Variants in ZNF260 observed in about 807,000 individuals in gnomAD.
The protein encoded by ZNF260 is zfp-260.
ZNF260 carries 21 observed loss-of-function variants against 29.3 expected under a neutral mutation model. The ratio of observed to expected loss-of-function variants is 0.72; its 90% confidence interval spans 0.51 to 1.03. The LOEUF (loss-of-function observed/expected upper bound fraction) is 1.03. Ranked by LOEUF, ZNF260 falls within the 50% of genes least tolerant of loss-of-function variation. ZNF260 has a pLI of 0.00. For missense variants in ZNF260, 465 were observed against 487.8 expected (o/e 0.95, Z 0.44); for synonymous variants, 156 against 156.8 (o/e 0.99, Z 0.04).
At position 36,514,327 on chromosome 19, in the gene ZNF260, A is replaced by G. The variant is rs773025394; in HGVS notation, c.912T>C (p.Tyr304=). The G allele has an allele frequency of 2.5e-6, 4 of 1,614,010 alleles. No individual in the cohort carries two copies. The African/African-American group carries it at 4.0e-5, about 16-fold the overall frequency. The change falls in exon 3 of 3, where the codon TAT becomes TAC. Residue 304 remains tyrosine (Y), a synonymous_variant. Transcript: ENST00000523638. ...AGGCTTTTCCACATTTATTACATTC[A>G]TAGGGTTTCTCTCCTGTATGAATAT... ...HHNIHTGEKP[Y]ECNKCGKAFS... is the part of the protein sequence containing the mutation.
chr19:36,516,648 G>A lies in ZNF260; in HGVS notation c.-461-949C>T, dbSNP rs551712920. Among the ~76,000 whole-genome samples, 22 of 152,164 alleles carry A rather than the reference G, an allele frequency of 1.4e-4. No homozygotes were observed. In the East Asian group the frequency reaches 3.7e-3, roughly 25 times the overall value. ...GGCTGGAGCGCAGTGGCATGATCTC[G>A]GCTCACTGCAAGCTCCGCCTCCTGG... On this transcript the variant is annotated intron_variant, in intron 2 of 2. Coordinates refer to ENST00000523638, the MANE Select transcript of ZNF260 (RefSeq NM_001166037.2).
Position 36,513,815 on chromosome 19 carries a change from T to G in ZNF260, c.*185A>C. On this transcript the variant is annotated 3_prime_UTR_variant, in exon 3 of 3. Coordinates refer to ENST00000523638, the MANE Select transcript of ZNF260 (RefSeq NM_001166037.2). ...GCATTGATAATGCTTGTTGTGGGAG[T>G]TTTGGGGGTACGGGTTTTCTTTACA... 1.6e-6 allele frequency: 1 copy of G among 628,768 alleles called. No individual in the cohort carries two copies. The highest frequency in any genetic ancestry group is 2.7e-6 in the Non-Finnish European group (1 of 369,492). The allele number at this position is 628,768 out of a possible 1,614,324, so 38.9% of individuals were successfully genotyped here.
intron 2 of ZNF260, among the ~76,000 whole-genome samples, chr19:36,516,642 G>GCA (rs2034555601): frequency 6.6e-6 from 1 of 152,128 alleles, no homozygotes; most frequent in Non-Finnish European, 1.5e-5. Flanking sequence ...GCAGTGGCAT[G>GCA]ATCTCGGCTC....
chr19:36,513,564 C>T lies in ZNF260; in HGVS notation c.*436G>A, dbSNP rs2034486713. The T allele has an allele frequency of 2.5e-6, 1 of 402,256 alleles. No homozygotes were observed. The highest frequency in any genetic ancestry group is 4.4e-6 in the Non-Finnish European group (1 of 227,596). The allele number at this position is 402,256 out of a possible 1,614,324, so 24.9% of individuals were successfully genotyped here. On this transcript the variant is annotated 3_prime_UTR_variant, in exon 3 of 3. Transcript: ENST00000523638. ...CATTTCTGAATTCAATATTCTGTCT[C>T]AGTCTCAGTTTTATGACTGCTTCAA...
intron 2 of ZNF260, among the ~76,000 whole-genome samples, chr19:36,521,596 T>C (rs2034646329): frequency 6.6e-6 from 1 of 150,612 alleles, no homozygotes; most frequent in Non-Finnish European, 1.5e-5. Flanking sequence ...CTACTAAAAA[T>C]ACAAAAATTA....
At chr19:36,525,078 A>AC (rs367981215) in intron 2 of ZNF260, 77 bp downstream of exon 2, 16 of 152,538 alleles carry the variant, frequency 1.0e-4, no homozygotes, top group Middle Eastern at 3.4e-3. Flanking sequence ...AAACAAACAA[A>AC]AAAACCCCAC....
At position 36,512,577 on chromosome 19, in the gene ZNF260, A is replaced by G. The variant is rs1446482054; in HGVS notation, c.*1423T>C. On this transcript the variant is annotated 3_prime_UTR_variant, in exon 3 of 3. Coordinates refer to ENST00000523638, the MANE Select transcript of ZNF260 (RefSeq NM_001166037.2). ...GAGTATATACATATCCTTTCAATCC[A>G]TTCTTTAGTTTTACATAATTTATCC... 6.6e-6 allele frequency: 1 copy of G among 152,104 alleles called. No individual in the cohort carries two copies. The highest frequency in any genetic ancestry group is 1.5e-5 in the Non-Finnish European group (1 of 68,008). The allele number at this position is 152,104 out of a possible 1,614,324, so 9.4% of individuals were successfully genotyped here. A position where few individuals can be genotyped will look rare whatever the true frequency, so the allele number is the denominator to read the frequency against.
At chr19:36,524,517 G>GGTTTTTTTTTTTTTTT (rs71171452) in intron 2 of ZNF260, among the ~76,000 whole-genome samples, 1 of 90,972 alleles carries the variant, frequency 1.1e-5, no homozygotes. Context: ...TTACATGCTA[G>GGTTTTTTTTTTTTTTT]TTTTTTTTTT....
rs185835535 is a variant in ZNF260 at position 36,515,163 on chromosome 19, G to C, written c.76C>G (p.Pro26Ala). The change falls in exon 3 of 3, where the codon CCT becomes GCT. Residue 26 changes from proline (P) to alanine (A), a missense_variant. By Grantham distance (27) the Pro-to-Ala change is conservative. Coordinates refer to ENST00000523638, the MANE Select transcript of ZNF260 (RefSeq NM_001166037.2). ...QHDQIHTGEKPYECNECRKTF... is the reference protein window; with the variant it reads ...QHDQIHTGEKAYECNECRKTF... ...TTTCTACATTCATTACATTCATAAG[G>C]TTTCTCTCCAGTATGAATTTGATCA... The C allele has an allele frequency of 1.1e-5, 18 of 1,613,248 alleles. No homozygotes were observed. The highest frequency in any genetic ancestry group is 2.7e-5 in the African/African-American group (2 of 74,976).
intron 1 of ZNF260, among the ~76,000 whole-genome samples, chr19:36,526,563 G>A (rs956165661): frequency 5.3e-5 from 8 of 151,890 alleles, no homozygotes; most frequent in African/African-American, 1.9e-4. Flanking sequence ...TAAAGTGAAT[G>A]GAAGTATATT....
chr19:36,516,846 G>A (rs1324215523), intron 2 of ZNF260, among the ~76,000 whole-genome samples: 1 of 152,146 alleles, frequency 6.6e-6, no homozygotes, highest in Non-Finnish European at 1.5e-5. Context: ...CCAAAGTGCT[G>A]GGATTACAGG....
chr19:36,514,410 TGTAGG>T lies in ZNF260; in HGVS notation c.824_828del (p.Pro275GlnfsTer3). The T allele has an allele frequency of 1.2e-6, 2 of 1,613,440 alleles. No homozygotes were observed. Among genetic ancestry groups the T allele is most frequent in the Non-Finnish European group, 1.7e-6 (2 of 1,179,588 alleles). On this transcript the variant is annotated frameshift_variant, in exon 3 of 3. Transcript: ENST00000523638. LOFTEE classifies it high-confidence loss of function. ...AAGATTGTTCCACATTCATTACATT[TGTAGG>T]GTTTCTCTCCAATATGAATTTTCTC... is the stretch of plus-strand genomic sequence containing the variant.
At position 36,515,144 on chromosome 19, in the gene ZNF260, C is replaced by T. The variant is rs2034529034; in HGVS notation, c.95G>A (p.Cys32Tyr). 1.2e-6 allele frequency: 2 copies of T among 1,613,752 alleles called. No homozygotes were observed. Among genetic ancestry groups the T allele is most frequent in the Admixed American group, 1.7e-5 (1 of 59,974 alleles). ...TGEKPYECNE[C>Y]RKTFSLKQNL... ...TTGCTTCAGGCTAAAAGTTTTTCTA[C>T]ATTCATTACATTCATAAGGTTTCTC... Residue 32 changes from cysteine to tyrosine, a missense_variant, in exon 3 of 3, where the codon TGT becomes TAT. Physicochemically the swap from Cys to Tyr is radical, Grantham distance 194. Coordinates refer to ENST00000523638, the MANE Select transcript of ZNF260 (RefSeq NM_001166037.2).
At position 36,515,190 on chromosome 19, in the gene ZNF260, G is replaced by A; in HGVS notation, c.49C>T (p.His17Tyr). The A allele has an allele frequency of 6.2e-7, 1 of 1,606,720 alleles. No individual in the cohort carries two copies. The highest frequency in any genetic ancestry group is 8.5e-7 in the Non-Finnish European group (1 of 1,175,286). Residue 17 changes from histidine (H) to tyrosine (Y), a missense_variant, in exon 3 of 3, where the codon CAT (histidine) becomes TAT (tyrosine). Transcript: ENST00000523638. ...TTCTCTCCAGTATGAATTTGATCAT[G>A]CTGAAGGAGATCTGATTCATGCTGA... ...SLQHESDLLQ[H>Y]DQIHTGEKPY...
Position 36,525,199 on chromosome 19 carries a change from T to C in ZNF260, c.-506A>G, listed in dbSNP as rs948493277. On this transcript the variant is annotated 5_prime_UTR_variant, in exon 2 of 3. Coordinates refer to ENST00000523638, the MANE Select transcript of ZNF260 (RefSeq NM_001166037.2). The stretch of plus-strand genomic sequence containing the variant: ...ACAAAGAGAACCTTCTTTACATTTC[T>C]TTCTCAATCATCTGTTGCTGTTCTT... 7 of 152,252 alleles carry C rather than the reference T, an allele frequency of 4.6e-5. No homozygotes were observed. Among genetic ancestry groups the C allele is most frequent in the African/African-American group, 1.7e-4 (7 of 41,470 alleles). 9.4% of individuals were successfully genotyped at this position (152,252 alleles called of 1,614,324 possible).
Position 36,510,786 on chromosome 19 carries a change from A to G in ZNF260, c.*3214T>C, listed in dbSNP as rs913412937. 6.6e-6 allele frequency: 1 copy of G among 152,162 alleles called. No individual in the cohort carries two copies. Among genetic ancestry groups the G allele is most frequent in the Admixed American group, 6.5e-5 (1 of 15,268 alleles). 9.4% of individuals were successfully genotyped at this position (152,162 alleles called of 1,614,324 possible). A position where few individuals can be genotyped will look rare whatever the true frequency, so the allele number is the denominator to read the frequency against. On this transcript the variant is annotated 3_prime_UTR_variant, in exon 3 of 3. Coordinates refer to ENST00000523638, the MANE Select transcript of ZNF260 (RefSeq NM_001166037.2). ...GCAGCTGAATAAATTTACAGTATACAATATTAGAGAATATTATGTTGCAAT... is the reference window on the plus strand; with the variant it reads ...GCAGCTGAATAAATTTACAGTATACGATATTAGAGAATATTATGTTGCAAT...
intron 1 of ZNF260, among the ~76,000 whole-genome samples, chr19:36,526,837 T>C (rs927419737): frequency 6.6e-6 from 1 of 152,228 alleles, no homozygotes; most frequent in African/African-American, 2.4e-5. Flanking sequence ...AGCAAACATA[T>C]ACATTTATGA....
At position 36,512,048 on chromosome 19, in the gene ZNF260, T is replaced by C. The variant is rs1000217599; in HGVS notation, c.*1952A>G. The C allele has an allele frequency of 6.6e-6, 1 of 152,206 alleles. No individual in the cohort carries two copies. The highest frequency in any genetic ancestry group is 2.4e-5 in the African/African-American group (1 of 41,460). 9.4% of individuals were successfully genotyped at this position (152,206 alleles called of 1,614,324 possible). ...CTAATTCTCTCCATGTCTGTGCATA[T>C]ATTATTTAATAATATGATCCTTAAA... On this transcript the variant is annotated 3_prime_UTR_variant, in exon 3 of 3. Transcript: ENST00000523638.
rs1228270965 is a variant in ZNF260 at position 36,515,666 on chromosome 19, G to A, written c.-428C>T. 4 of 163,936 alleles carry A rather than the reference G, an allele frequency of 2.4e-5. No homozygotes were observed. Among genetic ancestry groups the A allele is most frequent in the African/African-American group, 7.2e-5 (3 of 41,404 alleles). The allele number at this position is 163,936 out of a possible 1,614,324, so 10.2% of individuals were successfully genotyped here. ...TTAACTTACAAGTCTTTCATGTTGCGTCTTTATCTGTTTATAAACTTCCCA... is the reference window on the plus strand; with the variant it reads ...TTAACTTACAAGTCTTTCATGTTGCATCTTTATCTGTTTATAAACTTCCCA... On this transcript the variant is annotated 5_prime_UTR_variant, in exon 3 of 3. It adds an upstream start codon to the 5' untranslated region. Coordinates refer to ENST00000523638, the MANE Select transcript of ZNF260 (RefSeq NM_001166037.2).
Sources: gnomAD v4.1 joint callset for allele counts (sites outside exome capture counted in the v4.1 genomes callset) on GRCh38, gnomAD v4.1.1 for gene constraint, MANE v1.5 for transcripts, NCBI Gene and HGNC (gene_info 2026-07-23, HGNC 2026-07-21) for gene names.